The following DLGAP1 variants were observed in gnomAD, a reference collection of about 807,000 sequenced individuals.
DLGAP1 encodes the protein DLG associated protein 1.
In DLGAP1, 11 loss-of-function variants were observed where a neutral mutation model predicts 90.8. That is an observed-to-expected ratio of 0.12 (90% CI 0.08 to 0.20). The LOEUF (loss-of-function observed/expected upper bound fraction) is 0.20. Among genes scored for constraint, DLGAP1 ranks in the 10% least tolerant of loss-of-function variants. The pLI, the probability that DLGAP1 is intolerant of heterozygous loss-of-function variation, is 1.00. For missense variants in DLGAP1, 1,050 were observed against 1,333.8 expected (o/e 0.79, Z 3.31); for synonymous variants, 558 against 540.7 (o/e 1.03, Z -0.44).
chr18:4,078,087 A>G (rs1568383480), intron 2 of DLGAP1, among the ~76,000 whole-genome samples: 1 of 152,190 alleles, frequency 6.6e-6, no homozygotes, highest in Non-Finnish European at 1.5e-5. Flanking sequence ...AACGACAGAT[A>G]CTCCATGGGT....
At chr18:3,944,876 C>A (rs760172021) in intron 3 of DLGAP1, among the ~76,000 whole-genome samples, 1 of 152,162 alleles carries the variant, frequency 6.6e-6, no homozygotes, top group Non-Finnish European at 1.5e-5. Flanking sequence ...AGATTGGAAC[C>A]TAGCCATGGT....
chr18:4,152,050 A>G (rs1232923432), intron 1 of DLGAP1, among the ~76,000 whole-genome samples: 3 of 152,208 alleles, frequency 2.0e-5, no homozygotes, highest in Non-Finnish European at 4.4e-5. Flanking sequence ...ACACTTATGA[A>G]GGAGGTAACT....
At chr18:3,829,753 T>C (rs755239000) in intron 4 of DLGAP1, among the ~76,000 whole-genome samples, 3 of 152,140 alleles carry the variant, frequency 2.0e-5, no homozygotes, top group Non-Finnish European at 4.4e-5. Context: ...GGTAATCTTC[T>C]TTACATAAAG....
chr18:3,499,525 T>C lies in DLGAP1; in HGVS notation c.2725-131A>G. 1.2e-6 allele frequency: 1 copy of C among 867,998 alleles called. No homozygotes were observed. The highest frequency in any genetic ancestry group is 1.7e-6 in the Non-Finnish European group (1 of 583,624). 53.8% of individuals were successfully genotyped at this position (867,998 alleles called of 1,614,324 possible). On this transcript the variant is annotated intron_variant, in intron 12 of 12. Coordinates refer to ENST00000315677, the MANE Select transcript of DLGAP1 (RefSeq NM_004746.4). This position sits in a 1 kb window ranked among gnomAD's most constrained non-coding sequence, Gnocchi z 6.4. ...GGTTAGTTCTGATCTGCACACTGCA[T>C]ATCTACTTTTTTCTTCATTATTCTG...
At chr18:4,351,073 T>C (rs191586895) in intron 1 of DLGAP1, among the ~76,000 whole-genome samples, 2 of 152,312 alleles carry the variant, frequency 1.3e-5, no homozygotes, top group Admixed American at 6.5e-5. Flanking sequence ...AAAGATTAAA[T>C]TGGCTCCTAA....
At chr18:3,506,684 T>C (rs16944945) in intron 11 of DLGAP1, among the ~76,000 whole-genome samples, 2,530 of 152,314 alleles carry the variant, frequency 0.017, 64 homozygotes, top group African/African-American at 0.057. Context: ...ACAAGGTATG[T>C]TGTGTTTTCC....
intron 1 of DLGAP1, among the ~76,000 whole-genome samples, chr18:4,373,511 G>A (rs998833637): frequency 6.6e-6 from 1 of 152,068 alleles, no homozygotes; most frequent in African/African-American, 2.4e-5. Context: ...TGCACCTGGT[G>A]CCCACCTCCA....
At chr18:3,949,260 C>A (rs2072935839) in intron 3 of DLGAP1, among the ~76,000 whole-genome samples, 1 of 152,118 alleles carries the variant, frequency 6.6e-6, no homozygotes, top group South Asian at 2.1e-4. Context: ...GAGTTAGGTT[C>A]AAAAAATTAG....
intron 5 of DLGAP1, among the ~76,000 whole-genome samples, chr18:3,795,391 C>T (rs1298849652): frequency 6.6e-6 from 1 of 152,180 alleles, no homozygotes; most frequent in Non-Finnish European, 1.5e-5. Flanking sequence ...TCTTGGCTCA[C>T]TGCAACCTCC....
intron 1 of DLGAP1, among the ~76,000 whole-genome samples, chr18:4,365,684 G>A (rs1190145189): frequency 6.6e-6 from 1 of 152,066 alleles, no homozygotes; most frequent in Non-Finnish European, 1.5e-5. Flanking sequence ...GCTATTCCGT[G>A]TTAAGCACAG....
intron 2 of DLGAP1, among the ~76,000 whole-genome samples, chr18:4,137,169 C>T (rs951979966): frequency 2.6e-5 from 4 of 151,944 alleles, no homozygotes; most frequent in East Asian, 1.9e-4. Context: ...TTCGTCCTTG[C>T]GATAGTTTGC....
At chr18:3,691,046 A>T (rs1266128621) in intron 7 of DLGAP1, among the ~76,000 whole-genome samples, 2 of 152,380 alleles carry the variant, frequency 1.3e-5, no homozygotes, top group East Asian at 3.9e-4. Context: ...AGACACTCAC[A>T]TAAAGACCAT....
intron 1 of DLGAP1, among the ~76,000 whole-genome samples, chr18:4,302,220 G>C (rs1311352529): frequency 6.6e-6 from 1 of 152,130 alleles, no homozygotes; most frequent in Non-Finnish European, 1.5e-5. Flanking sequence ...TCACAGTTCA[G>C]ACCAAGGTTG....
At chr18:4,076,636 T>A (rs1182518264) in intron 2 of DLGAP1, among the ~76,000 whole-genome samples, 1 of 152,074 alleles carries the variant, frequency 6.6e-6, no homozygotes, top group Non-Finnish European at 1.5e-5. Context: ...TATTATTATT[T>A]TTCTTGAGGC....
At chr18:3,503,989 A>C (rs1458068072) in intron 11 of DLGAP1, among the ~76,000 whole-genome samples, 1 of 152,154 alleles carries the variant, frequency 6.6e-6, no homozygotes, top group Non-Finnish European at 1.5e-5. Flanking sequence ...CCAGCTGCTC[A>C]GGAGGCTGAG....
chr18:4,099,502 C>G (rs932353255), intron 2 of DLGAP1, among the ~76,000 whole-genome samples: 1 of 152,068 alleles, frequency 6.6e-6, no homozygotes, highest in Non-Finnish European at 1.5e-5. Context: ...GAATGTGAAA[C>G]AGCATATTGT....
intron 1 of DLGAP1, among the ~76,000 whole-genome samples, chr18:4,285,724 G>A (rs1290396635): frequency 1.3e-5 from 2 of 152,122 alleles, no homozygotes; most frequent in African/African-American, 4.8e-5. Context: ...GTTGACGTTT[G>A]CCTTATTTGA....
Position 4,005,144 on chromosome 18 carries a change from G to A in DLGAP1, c.-101C>T, listed in dbSNP as rs1288446774. 6.6e-6 allele frequency: 1 copy of A among 152,090 alleles called. No individual in the cohort carries two copies. Among genetic ancestry groups the A allele is most frequent in the Non-Finnish European group, 1.5e-5 (1 of 68,028 alleles). 9.4% of individuals were successfully genotyped at this position (152,090 alleles called of 1,614,324 possible). Reference sequence around the variant, plus strand: ...TCTTAGCGCCGTTGTCATTCAATCAGGAATTCTCTCGAGCAGACCCTCTAG... The same window carrying A: ...TCTTAGCGCCGTTGTCATTCAATCAAGAATTCTCTCGAGCAGACCCTCTAG... On this transcript the variant is annotated 5_prime_UTR_variant, in exon 3 of 13. Transcript: ENST00000315677.
chr18:4,390,561 C>T (rs1161762980), intron 1 of DLGAP1, among the ~76,000 whole-genome samples: 2 of 152,180 alleles, frequency 1.3e-5, no homozygotes, highest in African/African-American at 4.8e-5. Context: ...GACCACAAAT[C>T]CTTTTACTAT....
Sources: allele counts gnomAD v4.1 joint callset (sites outside exome capture counted in the v4.1 genomes callset), GRCh38; gene constraint gnomAD v4.1.1; non-coding constraint Gnocchi (gnomAD v3.1); transcripts MANE v1.5; gene names NCBI Gene and HGNC (gene_info 2026-07-23, HGNC 2026-07-21).